The following EIF2AK1 variants were observed in gnomAD, a reference collection of about 807,000 sequenced individuals.
EIF2AK1 encodes the protein eukaryotic translation initiation factor 2-alpha kinase 1.
A neutral mutation model predicts 77.9 loss-of-function variants in EIF2AK1; 54 were observed. That is an observed-to-expected ratio of 0.69 (90% confidence interval 0.56 to 0.87). The LOEUF (loss-of-function observed/expected upper bound fraction) is 0.87. Ranked by LOEUF, EIF2AK1 falls within the 40% of genes least tolerant of loss-of-function variation. The pLI is 0.00. For synonymous variants in EIF2AK1, 314 were observed against 290.5 expected (o/e 1.08, Z -0.82); for missense variants, 810 against 768.6 (o/e 1.05, Z -0.64).
chr7:6,034,008 C>G (rs994212213), intron 11 of EIF2AK1, among the ~76,000 whole-genome samples: 1 of 151,564 alleles, frequency 6.6e-6, no homozygotes, highest in Non-Finnish European at 1.5e-5. Flanking sequence ...TAATACTATC[C>G]GAGTGAATGA....
rs867967131 is a variant in EIF2AK1, at chr7:6,028,996, C to T, written c.1369G>A (p.Val457Ile). ...NIFLHGPDQQ[V>I]KIGDFGLACT... ...GCCAGACCAAAGTCTCCTATTTTTA[C>T]TTGCTGATCAGGGCCATGAAGAAAA... Residue 457 changes from valine (V) to isoleucine (I), a missense_variant, in exon 12 of 15, where the codon GTA becomes ATA. This residue lies in a region of EIF2AK1 where 549 missense variants were observed against 533.7 expected (regional missense o/e 1.03). Transcript: ENST00000199389. 3 of 1,613,022 alleles carry T rather than the reference C, an allele frequency of 1.9e-6. No homozygotes were observed. Among genetic ancestry groups the T allele is most frequent in the Middle Eastern group, 1.7e-4 (1 of 6,060 alleles).
chr7:6,034,786 G>A (rs867745563), intron 11 of EIF2AK1, among the ~76,000 whole-genome samples: 1 of 152,186 alleles, frequency 6.6e-6, no homozygotes, highest in Non-Finnish European at 1.5e-5. Flanking sequence ...GCGCTTCTGA[G>A]ATGAGGGCCA....
At chr7:6,053,043 T>C (rs1358492545) in intron 2 of EIF2AK1, among the ~76,000 whole-genome samples, 1 of 152,186 alleles carries the variant, frequency 6.6e-6, no homozygotes, top group Non-Finnish European at 1.5e-5. Context: ...TATGCAATTA[T>C]GGGATCCACA....
chr7:6,051,735 T>C (rs1277172393), intron 2 of EIF2AK1, among the ~76,000 whole-genome samples: 2 of 151,954 alleles, frequency 1.3e-5, no homozygotes, highest in Non-Finnish European at 2.9e-5. Flanking sequence ...ACCAAGGATA[T>C]TCTTTCTGCA....
At chr7:6,034,012 T>C (rs1324844982) in intron 11 of EIF2AK1, among the ~76,000 whole-genome samples, 1 of 150,708 alleles carries the variant, frequency 6.6e-6, no homozygotes, top group Non-Finnish European at 1.5e-5. Flanking sequence ...ACTATCCGAG[T>C]GAATGAAAGA....
intron 2 of EIF2AK1, among the ~76,000 whole-genome samples, chr7:6,053,025 T>C (rs1788652319): frequency 6.6e-6 from 1 of 152,170 alleles, no homozygotes; most frequent in Non-Finnish European, 1.5e-5. Context: ...ATTTCATTTA[T>C]TCAATTTTAT....
intron 14 of EIF2AK1, among the ~76,000 whole-genome samples, chr7:6,025,336 A>G (rs1787710923): frequency 6.6e-6 from 1 of 151,784 alleles, no homozygotes; most frequent in Non-Finnish European, 1.5e-5. Context: ...TAATTTTTGT[A>G]TTTTTAGTAG....
chr7:6,054,989 G>A (rs1788708988), intron 1 of EIF2AK1, among the ~76,000 whole-genome samples: 1 of 152,126 alleles, frequency 6.6e-6, no homozygotes, highest in Non-Finnish European at 1.5e-5. Flanking sequence ...AAGGAAGTGG[G>A]ACTAGGATGG....
In EIF2AK1 at chr7:6,024,073, G is replaced by C; in HGVS notation, c.*600C>G. 1 of 1,303,984 alleles carries C rather than the reference G, an allele frequency of 7.7e-7. No homozygotes were observed. Among genetic ancestry groups the C allele is most frequent in the South Asian group, 1.2e-5 (1 of 81,144 alleles). 80.8% of individuals were successfully genotyped at this position (1,303,984 alleles called of 1,614,324 possible). A position where few individuals can be genotyped will look rare whatever the true frequency, so the allele number is the denominator to read the frequency against. On this transcript the variant is annotated 3_prime_UTR_variant, in exon 15 of 15. Coordinates refer to ENST00000199389, the MANE Select transcript of EIF2AK1 (RefSeq NM_014413.4). Reference sequence around the variant, plus strand: ...GCCTGGAGATCATCTGGGGTGCGGAGTACAAAGCTTTGCAAGGGTGTGGTT... The same window carrying C: ...GCCTGGAGATCATCTGGGGTGCGGACTACAAAGCTTTGCAAGGGTGTGGTT...
rs1275913712 is a variant in EIF2AK1 at position 6,036,435 on chromosome 7, T to C, written c.1332+989A>G. 1 of 1,350,176 alleles carries C rather than the reference T, an allele frequency of 7.4e-7. No homozygotes were observed. The highest frequency in any genetic ancestry group is 3.0e-5 in the Admixed American group (1 of 33,472). 83.6% of individuals were successfully genotyped at this position (1,350,176 alleles called of 1,614,324 possible). Reference sequence around the variant, plus strand: ...CAGAGGGACTTTCAGCCACTCAAACTGCATTTTCTGGCTAGACATGTCCCA... The same window carrying C: ...CAGAGGGACTTTCAGCCACTCAAACCGCATTTTCTGGCTAGACATGTCCCA... On this transcript the variant is annotated intron_variant, in intron 11 of 14. Coordinates refer to ENST00000199389, the MANE Select transcript of EIF2AK1 (RefSeq NM_014413.4). The surrounding 1 kb of genome is among the most constrained non-coding windows in gnomAD (Gnocchi z 4.6).
chr7:6,044,526 A>G (rs1788392148), intron 7 of EIF2AK1, 36 bp downstream of exon 7: 1 of 1,574,956 alleles, frequency 6.3e-7, no homozygotes, highest in Non-Finnish European at 8.7e-7. Context: ...AAAGTTTGCC[A>G]ACGCTTCAAC....
intron 11 of EIF2AK1, among the ~76,000 whole-genome samples, chr7:6,034,232 G>A (rs534949835): frequency 2.9e-4 from 44 of 152,014 alleles, no homozygotes; most frequent in African/African-American, 6.5e-4. Flanking sequence ...GCTTGAACCC[G>A]TGAGGCAGCA....
Position 6,059,034 on chromosome 7 carries a change from C to G in EIF2AK1, c.50G>C (p.Gly17Ala). Reference sequence around the variant, plus strand: ...CGGCGGCGCAGCCACAGCCCCAGCCCCGTCGCCCTCCTCTTCGCGCTTGCG... The same window carrying G: ...CGGCGGCGCAGCCACAGCCCCAGCCGCGTCGCCCTCCTCTTCGCGCTTGCG... ...GVRKREEEGD[G>A]AGAVAAPPAI... The change falls in exon 1 of 15, where the codon GGG becomes GCG. Residue 17 changes from glycine to alanine, a missense_variant. Gly to Ala is a moderately conservative substitution (Grantham distance 60). Around this residue, in one of 3 missense-constraint regions of EIF2AK1, gnomAD observed 246 missense variants for 199.0 expected, o/e 1.24. Coordinates refer to ENST00000199389, the MANE Select transcript of EIF2AK1 (RefSeq NM_014413.4). 1 of 1,518,604 alleles carries G rather than the reference C, an allele frequency of 6.6e-7. No individual in the cohort carries two copies. The highest frequency in any genetic ancestry group is 1.2e-5 in the South Asian group (1 of 80,316). The allele number at this position is 1,518,604 out of a possible 1,614,324, so 94.1% of individuals were successfully genotyped here.
Position 6,044,579 on chromosome 7 carries a change from T to A in EIF2AK1, c.713A>T (p.His238Leu). The A allele has an allele frequency of 6.2e-7, 1 of 1,613,558 alleles. No homozygotes were observed. Among genetic ancestry groups the A allele is most frequent in the East Asian group, 2.2e-5 (1 of 44,858 alleles). Residue 238 changes from histidine to leucine, a missense_variant, in exon 7 of 15, where the codon CAT (histidine) becomes CTT (leucine). Physicochemically the swap from His to Leu is moderately conservative, Grantham distance 99 (BLOSUM62 -3). Around this residue, in one of 3 missense-constraint regions of EIF2AK1, gnomAD observed 549 missense variants for 533.7 expected, o/e 1.03. Coordinates refer to ENST00000199389, the MANE Select transcript of EIF2AK1 (RefSeq NM_014413.4). ...GYHTAWIEHV[H>L]VIQPRADRAA... Reference sequence around the variant, plus strand: ...CGGCTTACCTCGTGGCTGAATCACATGAACATGTTCTATCCACGCGGTGTG... The same window carrying A: ...CGGCTTACCTCGTGGCTGAATCACAAGAACATGTTCTATCCACGCGGTGTG...
chr7:6,044,755 C>G, intron 6 of EIF2AK1, 94 bp from the exon 7 acceptor site: 4 of 1,034,864 alleles, frequency 3.9e-6, no homozygotes, highest in Non-Finnish European at 5.8e-6. Flanking sequence ...ACAGATGGCC[C>G]CTGACTTACA....
rs1583471525 is a variant in EIF2AK1, at chr7:6,024,720, G to A, written c.1846C>T (p.Gln616Ter). The stretch of plus-strand genomic sequence containing the variant: ...CCGTCATCCCTCACCCCTTTGTCTT[G>A]AGAAAGGAGGTTTAGCTGCTTCTTT... The part of the protein sequence containing the change: ...ELKKQLNLLS[Q>*]DKGVRDDGKD... The change falls in exon 15 of 15, where the codon CAA becomes TAA. Residue 616 changes from glutamine (Q) to a stop codon, truncating the protein, a stop_gained. Transcript: ENST00000199389. LOFTEE classifies it low-confidence loss of function (END_TRUNC). 3.1e-6 allele frequency: 5 copies of A among 1,607,842 alleles called. No individual in the cohort carries two copies. The highest frequency in any genetic ancestry group is 4.2e-6 in the Non-Finnish European group (5 of 1,178,242).
In EIF2AK1 at chr7:6,056,613, AATAT is replaced by A. The variant is rs71008353; in HGVS notation, c.119-1913_119-1910del. ...CATCTCAAGGGAAAAAAAAAAAAAA[AATAT>A]ATATATATATATATATATAAACTCT... On this transcript the variant is annotated intron_variant, in intron 1 of 14. Coordinates refer to ENST00000199389, the MANE Select transcript of EIF2AK1 (RefSeq NM_014413.4). Among the ~76,000 whole-genome samples the A allele has an allele frequency of 1.6e-4, 7 of 43,738 alleles. 1 individual carries two copies. Among genetic ancestry groups the A allele is most frequent in the Non-Finnish European group, 2.8e-4 (6 of 21,266 alleles). 28.7% of individuals were successfully genotyped at this position (43,738 alleles called of 152,430 possible).
In EIF2AK1 at chr7:6,023,974, G is replaced by A; in HGVS notation, c.*699C>T. The A allele has an allele frequency of 7.3e-7, 1 of 1,378,786 alleles. No homozygotes were observed. The highest frequency in any genetic ancestry group is 1.2e-5 in the South Asian group (1 of 81,822). The allele number at this position is 1,378,786 out of a possible 1,614,324, so 85.4% of individuals were successfully genotyped here. A position where few individuals can be genotyped will look rare whatever the true frequency, so the allele number is the denominator to read the frequency against. ...TCTGAGGGATGTACAGATTGGCTGG[G>A]GAGCTGAGTGCTACAATAAAGGAGG... On this transcript the variant is annotated 3_prime_UTR_variant, in exon 15 of 15. Transcript: ENST00000199389.
chr7:6,046,205 T>C lies in EIF2AK1; in HGVS notation c.550-54A>G, dbSNP rs536512875. 29 of 1,037,762 alleles carry C rather than the reference T, an allele frequency of 2.8e-5. No homozygotes were observed. In the East Asian group the frequency reaches 7.5e-4, roughly 27 times the overall value. 64.3% of individuals were successfully genotyped at this position (1,037,762 alleles called of 1,614,324 possible). A position where few individuals can be genotyped will look rare whatever the true frequency, so the allele number is the denominator to read the frequency against. On this transcript the variant is annotated intron_variant, in intron 5 of 14. Transcript: ENST00000199389. ...ATTGTGTCATTAAACTTTAACTGAA[T>C]AAAGAGGTTCTTTTAATCTGAGCTT... is the stretch of plus-strand genomic sequence containing the variant.
Sources: gnomAD v4.1 joint callset for allele counts (sites outside exome capture counted in the v4.1 genomes callset) on GRCh38, gnomAD v4.1.1 for gene constraint, gnomAD v4.1.1 regional missense constraint, Gnocchi (gnomAD v3.1) non-coding constraint, MANE v1.5 for transcripts, NCBI Gene and HGNC (gene_info 2026-07-23, HGNC 2026-07-21) for gene names.